ZNF696: variants seen among roughly 807,000 people sequenced by gnomAD.
ZNF696 encodes the protein zinc finger protein 696.
Under a neutral mutation model 12.3 loss-of-function variants are expected in ZNF696, and 10 were observed. The observed-to-expected ratio is 0.81, with a 90% confidence interval of 0.50 to 1.38. The LOEUF (loss-of-function observed/expected upper bound fraction) is 1.38. ZNF696 is among the 40% of genes most tolerant of loss of function. The probability of loss-of-function intolerance (pLI) is 0.00; values close to 1 mark genes in which losing one functional copy is unlikely to be tolerated. For synonymous variants in ZNF696, 304 were observed against 243.9 expected (o/e 1.25, Z -2.29); for missense variants, 675 against 554.7 (o/e 1.22, Z -2.18).
rs1815763054 is a variant in ZNF696 at position 143,299,082 on chromosome 8, C to T, written c.*2282C>T. ...GCTGAGGCAGGAGAATCCCTTGAACCTGGGAGGCAGAAGATGCAGTGAGCC... is the reference window on the plus strand; with the variant it reads ...GCTGAGGCAGGAGAATCCCTTGAACTTGGGAGGCAGAAGATGCAGTGAGCC... On this transcript the variant is annotated 3_prime_UTR_variant, in exon 3 of 3. Transcript: ENST00000330143. Among the ~76,000 whole-genome samples, 1 of 152,160 alleles carries T rather than the reference C, an allele frequency of 6.6e-6. No homozygotes were observed. The highest frequency in any genetic ancestry group is 6.5e-5 in the Admixed American group (1 of 15,272).
In ZNF696 at chr8:143,296,179, G is replaced by A; in HGVS notation, c.504G>A (p.Val168=). Residue 168 remains valine, a synonymous_variant, in exon 3 of 3, where the codon GTG becomes GTA. Transcript: ENST00000330143. The stretch of plus-strand genomic sequence containing the variant: ...AGGCCTTCATCCACAGCTCGCACGT[G>A]GTCCGGCACCAGCGGGCGCACAGCG... ...CGKAFIHSSH[V]VRHQRAHSGE... 6.2e-7 allele frequency: 1 copy of A among 1,605,640 alleles called. No individual in the cohort carries two copies. Among genetic ancestry groups the A allele is most frequent in the Non-Finnish European group, 8.5e-7 (1 of 1,177,866 alleles).
Position 143,295,790 on chromosome 8 carries a change from G to A in ZNF696, c.115G>A (p.Glu39Lys), listed in dbSNP as rs201961712. 8.2e-5 allele frequency: 131 copies of A among 1,604,704 alleles called. No homozygotes were observed. Among genetic ancestry groups the A allele is most frequent in the Non-Finnish European group, 9.9e-5 (117 of 1,176,864 alleles). The change falls in exon 3 of 3, where the codon GAG (glutamate) becomes AAG (lysine). Residue 39 changes from glutamate to lysine, a missense_variant. Coordinates refer to ENST00000330143, the MANE Select transcript of ZNF696 (RefSeq NM_030895.3). ...AQAPSGSRSA[E>K]VQAAQSTEPA... ...GGCCCCGAGTGGCAGCCGGTCAGCC[G>A]AGGTGCAGGCAGCTCAGAGCACGGA...
chr8:143,291,767 G>C lies in ZNF696; in HGVS notation c.-31G>C. 1 of 985,418 alleles carries C rather than the reference G, an allele frequency of 1.0e-6. No individual in the cohort carries two copies. Among genetic ancestry groups the C allele is most frequent in the Non-Finnish European group, 1.2e-6 (1 of 829,934 alleles). 61.0% of individuals were successfully genotyped at this position (985,418 alleles called of 1,614,324 possible). A position where few individuals can be genotyped will look rare whatever the true frequency, so the allele number is the denominator to read the frequency against. On this transcript the variant is annotated splice_region_variant and 5_prime_UTR_variant, in exon 1 of 3. Transcript: ENST00000330143. ...GAGGGCCTGTTCCCTAATTCTTGCC[G>C]GTAAGGTACTTGCAAAAATCTGCTT...
chr8:143,296,025 G>A lies in ZNF696; in HGVS notation c.350G>A (p.Gly117Glu). Reference protein sequence around the residue: ...PPNAGPGAEGGGSWKGRPFPC... With the variant: ...PPNAGPGAEGEGSWKGRPFPC... ...AACGCAGGCCCCGGCGCAGAGGGCG[G>A]GGGCAGCTGGAAGGGGCGGCCTTTC... The change falls in exon 3 of 3, where the codon GGG (glycine) becomes GAG (glutamate). Residue 117 changes from glycine (G) to glutamate (E), a missense_variant. Transcript: ENST00000330143. 2 of 1,595,192 alleles carry A rather than the reference G, an allele frequency of 1.3e-6. No homozygotes were observed. The highest frequency in any genetic ancestry group is 1.7e-6 in the Non-Finnish European group (2 of 1,170,500).
rs951778961 is a variant in ZNF696, at chr8:143,298,869, G to C, written c.*2069G>C. ...AGCCTAGGAGTTCAAGACCAGCCTA[G>C]GCAACATAGGGCTGGGCACGGTGGC... On this transcript the variant is annotated 3_prime_UTR_variant, in exon 3 of 3. Coordinates refer to ENST00000330143, the MANE Select transcript of ZNF696 (RefSeq NM_030895.3). Among the ~76,000 whole-genome samples, 1 of 152,184 alleles carries C rather than the reference G, an allele frequency of 6.6e-6. No individual in the cohort carries two copies. Among genetic ancestry groups the C allele is most frequent in the African/African-American group, 2.4e-5 (1 of 41,430 alleles).
At position 143,298,638 on chromosome 8, in the gene ZNF696, G is replaced by A. The variant is rs1441775460; in HGVS notation, c.*1838G>A. On this transcript the variant is annotated 3_prime_UTR_variant, in exon 3 of 3. Coordinates refer to ENST00000330143, the MANE Select transcript of ZNF696 (RefSeq NM_030895.3). ...ACAAAGAAACGCAGATCCTGAAACT[G>A]TCATCATACAGGTGAGAGGATAGTT... Among the ~76,000 whole-genome samples, 1 of 152,246 alleles carries A rather than the reference G, an allele frequency of 6.6e-6. No homozygotes were observed. The highest frequency in any genetic ancestry group is 1.5e-5 in the Non-Finnish European group (1 of 68,042).
At chr8:143,295,619 G>A in intron 2 of ZNF696, 121 bp from the exon 3 acceptor site, 1 of 1,137,746 alleles carries the variant, frequency 8.8e-7, no homozygotes, top group Non-Finnish European at 1.2e-6. Context: ...CAAAATCAAA[G>A]GTGTCTGTGG....
In ZNF696 at chr8:143,296,225, G is replaced by T. The variant is rs1422960211; in HGVS notation, c.550G>T (p.Ala184Ser). The change falls in exon 3 of 3, where the codon GCC becomes TCC. Residue 184 changes from alanine to serine, a missense_variant. Ala to Ser is a moderately conservative substitution (Grantham distance 99). Transcript: ENST00000330143. ...CAGCGGGGAGAGGCCCTACGCGTGC[G>T]CCGAGTGCGGCAAGGCCTTCGGCCA... ...AHSGERPYAC[A>S]ECGKAFGQSF... 2 of 1,593,800 alleles carry T rather than the reference G, an allele frequency of 1.3e-6. No homozygotes were observed. The highest frequency in any genetic ancestry group is 1.7e-6 in the Non-Finnish European group (2 of 1,174,532).
rs1194315325 is a variant in ZNF696, at chr8:143,296,008, C to G, written c.333C>G (p.Gly111=). 1.9e-6 allele frequency: 3 copies of G among 1,594,986 alleles called. No individual in the cohort carries two copies. The highest frequency in any genetic ancestry group is 2.6e-6 in the Non-Finnish European group (3 of 1,170,448). The part of the protein sequence containing the change: ...GLESDVPPNA[G]PGAEGGGSWK... ...AGTCAGACGTCCCTCCGAACGCAGG[C>G]CCCGGCGCAGAGGGCGGGGGCAGCT... Residue 111 remains glycine, a synonymous_variant, in exon 3 of 3, where the codon GGC becomes GGG. Coordinates refer to ENST00000330143, the MANE Select transcript of ZNF696 (RefSeq NM_030895.3).
rs1815702344 is a variant in ZNF696 at position 143,295,977 on chromosome 8, G to A, written c.302G>A (p.Gly101Asp). Reference protein sequence around the residue: ...VTSEKTGGQSGLESDVPPNAG... With the variant: ...VTSEKTGGQSDLESDVPPNAG... ...TCTGAGAAAACTGGAGGACAGAGTG[G>A]CCTCGAGTCAGACGTCCCTCCGAAC... Residue 101 changes from glycine (G) to aspartate (D), a missense_variant, in exon 3 of 3, where the codon GGC becomes GAC. By Grantham distance (94) the Gly-to-Asp change is moderately conservative. Coordinates refer to ENST00000330143, the MANE Select transcript of ZNF696 (RefSeq NM_030895.3). 1 of 1,584,700 alleles carries A rather than the reference G, an allele frequency of 6.3e-7. No individual in the cohort carries two copies. Among genetic ancestry groups the A allele is most frequent in the African/African-American group, 1.3e-5 (1 of 74,198 alleles).
At chr8:143,294,347 TG>T (rs1471620202) in intron 2 of ZNF696, among the ~76,000 whole-genome samples, 1 of 151,738 alleles carries the variant, frequency 6.6e-6, no homozygotes, top group Non-Finnish European at 1.5e-5. Context: ...ACATGGGACG[TG>T]GGTTGCTGCT....
In ZNF696 at chr8:143,292,929, A is replaced by G. The variant is rs767813526; in HGVS notation, c.-30-43A>G. On this transcript the variant is annotated intron_variant, in intron 1 of 2. Transcript: ENST00000330143. ...CTCACTGCCCCTGGCCCCTGTACCT[A>G]GCCCTGGCTGTGATTTATTTTCCTT... The G allele has an allele frequency of 1.2e-5, 19 of 1,551,606 alleles. No individual in the cohort carries two copies. The South Asian group carries it at 2.2e-4, about 18-fold the overall frequency.
At position 143,291,841 on chromosome 8, in the gene ZNF696, G is replaced by C. The variant is rs1815630824; in HGVS notation, c.-31+74G>C. 6 of 967,454 alleles carry C rather than the reference G, an allele frequency of 6.2e-6. 1 individual carries two copies. In the South Asian group the frequency reaches 1.4e-4, roughly 23 times the overall value. The allele number at this position is 967,454 out of a possible 1,614,324, so 59.9% of individuals were successfully genotyped here. A position where few individuals can be genotyped will look rare whatever the true frequency, so the allele number is the denominator to read the frequency against. On this transcript the variant is annotated intron_variant, in intron 1 of 2. Transcript: ENST00000330143. The stretch of plus-strand genomic sequence containing the variant: ...AATTACCTTTTTGTAAAAGCGGCGG[G>C]GTCTCGCTATGTTTCCCAGGCTGGC...
chr8:143,296,302 C>A lies in ZNF696; in HGVS notation c.627C>A (p.Tyr209Ter), dbSNP rs941008100. 6.3e-7 allele frequency: 1 copy of A among 1,597,964 alleles called. No individual in the cohort carries two copies. ...HQRVHTGEKP[Y>*]ACADCGKAFG... ...GCGTGCACACGGGCGAGAAGCCCTA[C>A]GCGTGCGCCGACTGCGGCAAGGCCT... Residue 209 changes from tyrosine to a stop codon, truncating the protein, a stop_gained, in exon 3 of 3, where the codon TAC becomes TAA. Coordinates refer to ENST00000330143, the MANE Select transcript of ZNF696 (RefSeq NM_030895.3). LOFTEE classifies it high-confidence loss of function.
In ZNF696 at chr8:143,299,421, T is replaced by C. The variant is rs1487666689; in HGVS notation, c.*2621T>C. On this transcript the variant is annotated 3_prime_UTR_variant, in exon 3 of 3. Coordinates refer to ENST00000330143, the MANE Select transcript of ZNF696 (RefSeq NM_030895.3). ...GTGCATAGTGTAATTTAATGTTAATTACTAAAAGAGTGTAACCAGTCTATA... is the reference window on the plus strand; with the variant it reads ...GTGCATAGTGTAATTTAATGTTAATCACTAAAAGAGTGTAACCAGTCTATA... 6.6e-6 allele frequency among the ~76,000 whole-genome samples: 1 copy of C among 152,198 alleles called. No individual in the cohort carries two copies. The highest frequency in any genetic ancestry group is 1.9e-4 in the East Asian group (1 of 5,200).
chr8:143,294,332 A>T (rs1815672310), intron 2 of ZNF696, among the ~76,000 whole-genome samples: 1 of 151,904 alleles, frequency 6.6e-6, no homozygotes, highest in African/African-American at 2.4e-5. Context: ...GCCGCCGCCC[A>T]GCCCACATGG....
At position 143,298,402 on chromosome 8, in the gene ZNF696, GA is replaced by G. The variant is rs1426346810; in HGVS notation, c.*1603del. On this transcript the variant is annotated 3_prime_UTR_variant, in exon 3 of 3. Transcript: ENST00000330143. ...AGCTCCTGACCCCTGGGCCGGTGGTGAGGTGGGAAGATGAGCCTGTGTCTCC... is the reference window on the plus strand; with the variant it reads ...AGCTCCTGACCCCTGGGCCGGTGGTGGGTGGGAAGATGAGCCTGTGTCTCC... Among the ~76,000 whole-genome samples the G allele has an allele frequency of 6.6e-6, 1 of 152,138 alleles. No homozygotes were observed. Among genetic ancestry groups the G allele is most frequent in the African/African-American group, 2.4e-5 (1 of 41,424 alleles).
intron 2 of ZNF696, among the ~76,000 whole-genome samples, chr8:143,293,710 G>T (rs1333858726): frequency 6.6e-6 from 1 of 152,176 alleles, no homozygotes; most frequent in African/African-American, 2.4e-5. Flanking sequence ...CCATAGTCTT[G>T]GTTCTTTTTC....
At chr8:143,295,124 G>A (rs777551425) in intron 2 of ZNF696, among the ~76,000 whole-genome samples, 7 of 152,140 alleles carry the variant, frequency 4.6e-5, no homozygotes, top group East Asian at 1.9e-4. Context: ...GAGCTGGGCC[G>A]TGGGCTCTGT....
Sources: gnomAD v4.1 joint callset for allele counts (sites outside exome capture counted in the v4.1 genomes callset) on GRCh38, gnomAD v4.1.1 for gene constraint, MANE v1.5 for transcripts, NCBI Gene and HGNC (gene_info 2026-07-23, HGNC 2026-07-21) for gene names.